SPOCK1: variants seen among roughly 807,000 people sequenced by gnomAD.
SPOCK1 encodes the protein SPARC (osteonectin), cwcv and kazal like domains proteoglycan 1.
SPOCK1 carries 23 observed loss-of-function variants against 55.3 expected under a neutral mutation model. The observed-to-expected ratio is 0.42, with a 90% CI of 0.30 to 0.59. SPOCK1 has a LOEUF of 0.59. Among genes scored for constraint, SPOCK1 ranks in the 20% least tolerant of loss-of-function variants. The probability of loss-of-function intolerance (pLI) is 0.22; values close to 1 mark genes in which losing one functional copy is unlikely to be tolerated. For missense variants in SPOCK1, 499 were observed against 552.5 expected (o/e 0.90, Z 0.97); for synonymous variants, 226 against 221.0 (o/e 1.02, Z -0.20).
intron 2 of SPOCK1, among the ~76,000 whole-genome samples, chr5:137,320,800 G>A (rs1757969004): frequency 6.6e-6 from 1 of 152,178 alleles, no homozygotes; most frequent in South Asian, 2.1e-4. Flanking sequence ...CATAAGGACT[G>A]GGGAAAGTGG....
chr5:137,206,249 T>G (rs1755519246), intron 3 of SPOCK1, among the ~76,000 whole-genome samples: 1 of 152,234 alleles, frequency 6.6e-6, no homozygotes, highest in Admixed American at 6.5e-5. Context: ...AGAAAAGGGC[T>G]TCTGAGAGTG....
At chr5:137,324,289 A>T (rs1278077480) in intron 2 of SPOCK1, among the ~76,000 whole-genome samples, 1 of 152,204 alleles carries the variant, frequency 6.6e-6, no homozygotes, top group Admixed American at 6.5e-5. Flanking sequence ...TACTAAAAAT[A>T]CAAAAATTAG....
chr5:137,012,138 G>T (rs961369937), intron 6 of SPOCK1, among the ~76,000 whole-genome samples: 1 of 152,080 alleles, frequency 6.6e-6, no homozygotes. Context: ...CTCAGCACAC[G>T]AACGTTCTGT....
At chr5:137,058,871 G>A (rs1011815190) in intron 6 of SPOCK1, among the ~76,000 whole-genome samples, 13 of 152,178 alleles carry the variant, frequency 8.5e-5, no homozygotes, top group African/African-American at 3.1e-4. Context: ...GGAGACCTGT[G>A]TGCCTGGAGC....
chr5:137,413,932 G>T (rs915515071), intron 2 of SPOCK1, among the ~76,000 whole-genome samples: 1 of 151,974 alleles, frequency 6.6e-6, no homozygotes, highest in Non-Finnish European at 1.5e-5. Flanking sequence ...TTTTAAAACA[G>T]AAATTACCCT....
chr5:137,327,589 A>G (rs928696128), intron 2 of SPOCK1, among the ~76,000 whole-genome samples: 1 of 152,206 alleles, frequency 6.6e-6, no homozygotes, highest in Non-Finnish European at 1.5e-5. Flanking sequence ...GAGTCTTTCA[A>G]TGGTGTCTTG....
At chr5:137,286,526 C>T (rs1477677030) in intron 2 of SPOCK1, among the ~76,000 whole-genome samples, 1 of 152,196 alleles carries the variant, frequency 6.6e-6, no homozygotes, top group African/African-American at 2.4e-5. Context: ...CCCAGAAGGG[C>T]CCCTCCTTCT....
At position 137,079,903 on chromosome 5, in the gene SPOCK1, G is replaced by A. The variant is rs1442497098; in HGVS notation, c.475-12074C>T. 4.6e-5 allele frequency among the ~76,000 whole-genome samples: 7 copies of A among 151,442 alleles called. No individual in the cohort carries two copies. The East Asian group carries it at 5.9e-4, about 13-fold the overall frequency. ...AGCCCACCCCACTCAACAACACACC[G>A]TCCCATGCCTGCTCTTCTGGTTTCC... On this transcript the variant is annotated intron_variant, in intron 5 of 10. Coordinates refer to ENST00000394945, the MANE Select transcript of SPOCK1 (RefSeq NM_004598.4).
chr5:137,160,902 C>T (rs915386249), intron 3 of SPOCK1, among the ~76,000 whole-genome samples: 2 of 145,428 alleles, frequency 1.4e-5, no homozygotes, highest in South Asian at 2.1e-4. Flanking sequence ...AGTCATTATT[C>T]GAAAAAGATA....
At chr5:137,235,310 G>A (rs939912494) in intron 3 of SPOCK1, among the ~76,000 whole-genome samples, 5 of 152,176 alleles carry the variant, frequency 3.3e-5, no homozygotes, top group Admixed American at 6.5e-5. Context: ...CAAGGTAAAA[G>A]GGTGTTTATG....
In SPOCK1 at chr5:137,116,280, A is replaced by T. The variant is rs186421072; in HGVS notation, c.348-3719T>A. 1.9e-4 allele frequency among the ~76,000 whole-genome samples: 29 copies of T among 152,328 alleles called. 1 individual carries two copies. The Middle Eastern group carries it at 0.02, about 107-fold the overall frequency. ...TTTTAAAAAGTATAATCAAATTCCC[A>T]GCATTATGTTTGTGAAGCAAAGGAA... On this transcript the variant is annotated intron_variant, in intron 4 of 10. Transcript: ENST00000394945.
chr5:137,033,588 C>G (rs188683106), intron 6 of SPOCK1, among the ~76,000 whole-genome samples: 11 of 152,178 alleles, frequency 7.2e-5, no homozygotes, highest in African/African-American at 2.4e-4. Flanking sequence ...CTCTGTCTAC[C>G]CCTCTCCCTC....
chr5:137,265,574 A>G (rs1477936588), intron 3 of SPOCK1, among the ~76,000 whole-genome samples: 1 of 152,226 alleles, frequency 6.6e-6, no homozygotes, highest in Non-Finnish European at 1.5e-5. Context: ...TTAATAAAAC[A>G]TTTCTAAACT....
At chr5:137,257,508 C>T (rs1756660463) in intron 3 of SPOCK1, among the ~76,000 whole-genome samples, 1 of 152,122 alleles carries the variant, frequency 6.6e-6, no homozygotes, top group African/African-American at 2.4e-5. Flanking sequence ...TCACCAGCAC[C>T]CAGTTATGCT....
In SPOCK1 at chr5:136,977,682, G is replaced by T. The variant is rs1750644288; in HGVS notation, c.*972C>A. The T allele has an allele frequency of 5.0e-6, 2 of 397,682 alleles. No homozygotes were observed. The highest frequency in any genetic ancestry group is 8.9e-6 in the Non-Finnish European group (2 of 225,562). 24.6% of individuals were successfully genotyped at this position (397,682 alleles called of 1,614,324 possible). A position where few individuals can be genotyped will look rare whatever the true frequency, so the allele number is the denominator to read the frequency against. On this transcript the variant is annotated 3_prime_UTR_variant, in exon 11 of 11. Transcript: ENST00000394945. ...AATGAAAGAGATGGCTTGTGAAGCT[G>T]CCCGTGTCGTGTGGGAGTCGCATGG...
chr5:137,267,731 T>C (rs1278646315), intron 2 of SPOCK1, among the ~76,000 whole-genome samples: 1 of 152,206 alleles, frequency 6.6e-6, no homozygotes, highest in Non-Finnish European at 1.5e-5. Context: ...AATCACTCAA[T>C]TCTTCACAGC....
intron 3 of SPOCK1, among the ~76,000 whole-genome samples, chr5:137,207,798 C>T (rs1755545631): frequency 6.6e-6 from 1 of 152,174 alleles, no homozygotes; most frequent in Non-Finnish European, 1.5e-5. Context: ...TCATGCTCCA[C>T]AAATGCTACT....
chr5:137,162,131 C>CTTT (rs566233599), intron 3 of SPOCK1, among the ~76,000 whole-genome samples: 1 of 131,812 alleles, frequency 7.6e-6, no homozygotes, highest in Non-Finnish European at 1.6e-5. Flanking sequence ...CTAATGCTTT[C>CTTT]TTTTTTTTTT....
chr5:137,084,551 G>A (rs762857009), intron 5 of SPOCK1, among the ~76,000 whole-genome samples: 24 of 151,964 alleles, frequency 1.6e-4, no homozygotes, highest in Non-Finnish European at 3.2e-4. Context: ...TGTGGCAGGG[G>A]CACTGGGAAA....
Sources: gnomAD v4.1 joint callset for allele counts (sites outside exome capture counted in the v4.1 genomes callset) on GRCh38, gnomAD v4.1.1 for gene constraint, MANE v1.5 for transcripts, NCBI Gene and HGNC (gene_info 2026-07-23, HGNC 2026-07-21) for gene names.